Variants in KAZN observed in about 807,000 individuals in gnomAD.
The protein encoded by KAZN is kazrin, periplakin interacting protein, also known as kazrin.
In KAZN, 40 loss-of-function variants were observed where a neutral mutation model predicts 87.4. The observed-to-expected ratio is 0.46, with a 90% CI of 0.36 to 0.60. The LOEUF (loss-of-function observed/expected upper bound fraction) is 0.60, where lower values mean the gene tolerates loss of function less well. KAZN is among the 20% of genes least tolerant of loss of function. KAZN has a pLI of 0.00. For missense variants in KAZN, 898 were observed against 1,073.9 expected (o/e 0.84, Z 2.29); for synonymous variants, 466 against 458.3 (o/e 1.02, Z -0.22).
chr1:14,464,745 T>C (rs946724714), intron 2 of KAZN, among the ~76,000 whole-genome samples: 2 of 151,998 alleles, frequency 1.3e-5, no homozygotes, highest in Non-Finnish European at 2.9e-5. Context: ...TTCACCATAT[T>C]GATCAGGCTG....
intron 2 of KAZN, among the ~76,000 whole-genome samples, chr1:14,278,040 GGTGCCTATAATCCCA>G (rs2100704148): frequency 6.6e-6 from 1 of 151,588 alleles, no homozygotes; most frequent in East Asian, 2.0e-4. Flanking sequence ...AGAGGTGGCA[GGTGCCTATAATCCCA>G]GCTACTCAGG....
chr1:14,266,112 G>A (rs1162023416), intron 2 of KAZN, among the ~76,000 whole-genome samples: 3 of 152,200 alleles, frequency 2.0e-5, no homozygotes, highest in East Asian at 3.9e-4. Context: ...GGATAGGTGG[G>A]TGGGTAGAGA....
intron 1 of KAZN, among the ~76,000 whole-genome samples, chr1:14,847,699 G>C (rs1366705975): frequency 6.6e-6 from 1 of 152,246 alleles, no homozygotes; most frequent in African/African-American, 2.4e-5. Flanking sequence ...AGCACCTGGG[G>C]CAGGGGCACA....
At chr1:13,937,205 C>A (rs12074144) in intron 1 of KAZN, among the ~76,000 whole-genome samples, 97 of 152,020 alleles carry the variant, frequency 6.4e-4, no homozygotes, top group African/African-American at 2.3e-3. Context: ...TGCCACCACA[C>A]CCGGCTAATT....
intron 2 of KAZN, among the ~76,000 whole-genome samples, chr1:14,441,330 T>C (rs1410165120): frequency 6.6e-6 from 1 of 152,160 alleles, no homozygotes; most frequent in African/African-American, 2.4e-5. Flanking sequence ...TAGCATTATC[T>C]GGAACTGGAC....
intron 1 of KAZN, among the ~76,000 whole-genome samples, chr1:14,651,494 G>C (rs1199258162): frequency 6.6e-6 from 1 of 152,186 alleles, no homozygotes; most frequent in Non-Finnish European, 1.5e-5. Context: ...TTTCCTACCA[G>C]GTTGGGGAGG....
At position 14,243,014 on chromosome 1, in the gene KAZN, G is replaced by A. The variant is rs548587703; in HGVS notation, c.249+62422G>A. 4.6e-5 allele frequency among the ~76,000 whole-genome samples: 7 copies of A among 152,296 alleles called. No individual in the cohort carries two copies. In the South Asian group the frequency reaches 1.0e-3, roughly 23 times the overall value. ...AATGAAGATTAAGTGAGAGCAGCAT[G>A]TGACCACGAACCCCAAATGGGACAT... On this transcript the variant is annotated intron_variant, in intron 2 of 16. Transcript: ENST00000636203.
chr1:14,589,325 G>A lies in KAZN; in HGVS notation c.250-9658G>A, dbSNP rs551016333. On this transcript the variant is annotated intron_variant, in intron 2 of 16. Coordinates refer to the KAZN transcript ENST00000636203. ...TTTACACCTCCTCAGCATAAAACAAGGCAGGTAAAAAAAAAAAAAAGGGAG... is the reference window on the plus strand; with the variant it reads ...TTTACACCTCCTCAGCATAAAACAAAGCAGGTAAAAAAAAAAAAAAGGGAG... 3.6e-3 allele frequency among the ~76,000 whole-genome samples: 309 copies of A among 85,672 alleles called. 3 individuals carry two copies. The highest frequency in any genetic ancestry group is 0.016 in the African/African-American group (288 of 17,630). The allele number at this position is 85,672 out of a possible 152,430, so 56.2% of individuals were successfully genotyped here.
At chr1:14,904,309 G>GA (rs34880967) in intron 1 of KAZN, among the ~76,000 whole-genome samples, 18,826 of 137,786 alleles carry the variant, frequency 0.14, 1,503 homozygotes, top group Middle Eastern at 0.18. Context: ...CGTCTCAAAA[G>GA]AAAAAAAAAA....
At chr1:14,535,671 A>C (rs968839379) in intron 2 of KAZN, among the ~76,000 whole-genome samples, 1 of 151,892 alleles carries the variant, frequency 6.6e-6, no homozygotes, top group African/African-American at 2.4e-5. Flanking sequence ...TCTCAAAAAA[A>C]AAAAATAAAA....
At chr1:14,497,822 G>GAA (rs373301711) in intron 2 of KAZN, among the ~76,000 whole-genome samples, 3 of 143,284 alleles carry the variant, frequency 2.1e-5, no homozygotes, top group Admixed American at 7.0e-5. Context: ...ATTTGAGATG[G>GAA]AAAAAAAAAA....
chr1:14,080,138 T>C (rs1181344033), intron 1 of KAZN, among the ~76,000 whole-genome samples: 1 of 64,252 alleles, frequency 1.6e-5, no homozygotes, highest in Non-Finnish European at 3.6e-5. Flanking sequence ...TCAGCTGGGG[T>C]CCCTATAATG....
intron 2 of KAZN, among the ~76,000 whole-genome samples, chr1:15,029,075 C>T (rs1671435153): frequency 6.6e-6 from 1 of 152,194 alleles, no homozygotes; most frequent in Non-Finnish European, 1.5e-5. Flanking sequence ...TCCCAGTGGG[C>T]ATCTGTGTGC....
intron 1 of KAZN, among the ~76,000 whole-genome samples, chr1:14,083,559 A>G (rs116430980): frequency 1.3e-5 from 2 of 152,236 alleles, no homozygotes; most frequent in Admixed American, 6.5e-5. Context: ...TGGTCTATAC[A>G]TAAGAGCTGA....
At chr1:14,951,929 C>A (rs546956264) in intron 1 of KAZN, among the ~76,000 whole-genome samples, 1 of 152,314 alleles carries the variant, frequency 6.6e-6, no homozygotes, top group African/African-American at 2.4e-5. Flanking sequence ...CACTCACAAC[C>A]TCCTAGGTGC....
intron 1 of KAZN, among the ~76,000 whole-genome samples, chr1:13,979,975 A>G (rs1638584109): frequency 6.6e-6 from 1 of 152,108 alleles, no homozygotes. Flanking sequence ...GCATAGAATT[A>G]AAATACATAT....
intron 1 of KAZN, among the ~76,000 whole-genome samples, chr1:14,699,199 C>T (rs1284213703): frequency 1.3e-5 from 2 of 152,228 alleles, no homozygotes; most frequent in Non-Finnish European, 2.9e-5. Flanking sequence ...TAGCTGGCTC[C>T]TGGGAGAGCT....
intron 2 of KAZN, among the ~76,000 whole-genome samples, chr1:14,191,408 T>C (rs955603139): frequency 1.3e-5 from 2 of 152,124 alleles, no homozygotes; most frequent in Admixed American, 6.5e-5. Context: ...TATGGTTTAG[T>C]AACACCTCAT....
chr1:14,674,624 C>T (rs1483224528), intron 1 of KAZN, among the ~76,000 whole-genome samples: 1 of 152,208 alleles, frequency 6.6e-6, no homozygotes, highest in Non-Finnish European at 1.5e-5. Flanking sequence ...ATGTCTTGAC[C>T]ACTTGTCCTT....
Sources: gnomAD v4.1 joint callset for allele counts (sites outside exome capture counted in the v4.1 genomes callset) on GRCh38, gnomAD v4.1.1 for gene constraint, MANE v1.5 for transcripts, NCBI Gene and HGNC (gene_info 2026-07-23, HGNC 2026-07-21) for gene names.